Variants in MICAL1 observed in about 807,000 individuals in gnomAD.
The protein encoded by MICAL1 is [F-actin]-monooxygenase MICAL1.
A neutral mutation model predicts 131.8 loss-of-function variants in MICAL1; 95 were observed. That is an observed-to-expected ratio of 0.72 (90% CI 0.61 to 0.86). The LOEUF (loss-of-function observed/expected upper bound fraction) is 0.86, where lower values mean the gene tolerates loss of function less well. MICAL1 is among the 40% of genes least tolerant of loss of function. MICAL1 has a pLI of 0.00. For synonymous variants in MICAL1, 546 were observed against 554.2 expected (o/e 0.99, Z 0.21); for missense variants, 1,292 against 1,380.6 (o/e 0.94, Z 1.02).
upstream of MICAL1, chr6:109,455,825 C>A (rs1196286662): frequency 1.0e-6 from 1 of 984,716 alleles, no homozygotes; most frequent in African/African-American, 1.8e-5. The surrounding 1 kb of genome is among the most constrained non-coding windows in gnomAD (Gnocchi z 4.7). Context: ...CGAGATCGGG[C>A]GGGGATGCTG....
chr6:109,445,131 A>G, intron 22 of MICAL1, 66 bp downstream of exon 22: 2 of 1,596,194 alleles, frequency 1.3e-6, no homozygotes, highest in Non-Finnish European at 8.6e-7. Context: ...TGGGACTCCT[A>G]CGGGCTGGAG....
chr6:109,452,814 AT>A (rs774613378), intron 4 of MICAL1, among the ~76,000 whole-genome samples, 199 bp from the exon 5 acceptor site: 3 of 152,170 alleles, frequency 2.0e-5, no homozygotes, highest in African/African-American at 7.2e-5. Context: ...TGTTTTGCAA[AT>A]GCTCAATCTG....
At position 109,453,285 on chromosome 6, in the gene MICAL1, G is replaced by T; in HGVS notation, c.549C>A (p.Gly183=). 2 of 1,613,940 alleles carry T rather than the reference G, an allele frequency of 1.2e-6. No homozygotes were observed. Among genetic ancestry groups the T allele is most frequent in the Non-Finnish European group, 1.7e-6 (2 of 1,179,882 alleles). The part of the protein sequence containing the change: ...VEIHWGVTFT[G]LQPPPRKGSG... ...TACCCTTCCTAGGAGGGGGCTGGAG[G>T]CCAGTGAAAGTGACACCCCAGTGAA... The change falls in exon 4 of 25, where the codon GGC becomes GGA. Residue 183 remains glycine, a synonymous_variant. Coordinates refer to ENST00000358807, the MANE Select transcript of MICAL1 (RefSeq NM_022765.4).
intron 9 of MICAL1, 70 bp downstream of exon 9, chr6:109,449,900 C>T: frequency 6.3e-7 from 1 of 1,594,384 alleles, no homozygotes; most frequent in Non-Finnish European, 8.6e-7. Flanking sequence ...TCACTCAGCA[C>T]CCCTGCCCCT....
chr6:109,446,508 A>T, intron 18 of MICAL1, 96 bp from the exon 19 acceptor site: 2 of 1,500,254 alleles, frequency 1.3e-6, no homozygotes, highest in Non-Finnish European at 1.8e-6. Flanking sequence ...AACCATTTAC[A>T]AACAGTGTCT....
rs569696788 is a variant in MICAL1, at chr6:109,448,688, T to C, written c.1664+44A>G. ...GGATTCAACTGGATATGCTAACTCC[T>C]ACACTGAGATCATGAGAGAGAGGTG... On this transcript the variant is annotated intron_variant, in intron 12 of 24. Transcript: ENST00000358807. The C allele has an allele frequency of 6.9e-5, 111 of 1,611,140 alleles. No individual in the cohort carries two copies. The South Asian group carries it at 1.1e-3, about 16-fold the overall frequency.
At chr6:109,463,480 T>C (rs2115350598) in intron 1 of MICAL1, 1 of 152,334 alleles carries the variant, frequency 6.6e-6, no homozygotes, top group Non-Finnish European at 1.5e-5. Flanking sequence ...CATGTGCTTA[T>C]CAAGCATTTG....
At chr6:109,448,525 T>A in intron 12 of MICAL1, 132 bp from the exon 13 acceptor site, 1 of 1,276,666 alleles carries the variant, frequency 7.8e-7, no homozygotes, top group Non-Finnish European at 1.1e-6. Context: ...AGGTGTGTAG[T>A]CTCTGCTACC....
chr6:109,460,523 T>TACACACAC (rs113472586), upstream of MICAL1, among the ~76,000 whole-genome samples: 4,900 of 147,738 alleles, frequency 0.033, 163 homozygotes, highest in African/African-American at 0.083. Context: ...TATATATAAA[T>TACACACAC]ACACACACAC....
chr6:109,446,862 A>G, intron 17 of MICAL1, 90 bp from the exon 18 acceptor site: 1 of 1,371,178 alleles, frequency 7.3e-7, no homozygotes, highest in Non-Finnish European at 1.0e-6. Context: ...TGGGGAAAAC[A>G]AGACAGATTT....
At chr6:109,453,076 C>T (rs2115338151) in intron 4 of MICAL1, among the ~76,000 whole-genome samples, 187 bp downstream of exon 4, 1 of 152,322 alleles carries the variant, frequency 6.6e-6, no homozygotes, top group African/African-American at 2.4e-5. Context: ...AGGAGAATCA[C>T]TTGAAACTGG....
chr6:109,449,350 C>T (rs1260378882), intron 11 of MICAL1, 50 bp downstream of exon 11: 15 of 1,589,976 alleles, frequency 9.4e-6, no homozygotes, highest in Admixed American at 5.0e-5. Flanking sequence ...ACCTGGGCCT[C>T]GCTGGGTAGT....
At chr6:109,445,112 C>T (rs2115323324) in intron 22 of MICAL1, 85 bp downstream of exon 22, 1 of 1,576,262 alleles carries the variant, frequency 6.3e-7, no homozygotes, top group Non-Finnish European at 8.7e-7. Context: ...AGCTGTGTGG[C>T]ATAGCCACTG....
chr6:109,464,492 C>T (rs927051060), intron 1 of MICAL1: 4 of 152,220 alleles, frequency 2.6e-5, no homozygotes, highest in Admixed American at 2.6e-4. Flanking sequence ...CTCAAAAATC[C>T]CCTACCAGCT....
upstream of MICAL1, among the ~76,000 whole-genome samples, chr6:109,459,243 CAGCA>C (rs1317561931): frequency 6.6e-6 from 1 of 152,198 alleles, no homozygotes; most frequent in Non-Finnish European, 1.5e-5. Flanking sequence ...TCCATTCATT[CAGCA>C]AGGCACTCTG....
rs535329152 is a variant in MICAL1 at position 109,451,697 on chromosome 6, A to G, written c.836T>C (p.Ile279Thr). 1 of 1,613,888 alleles carries G rather than the reference A, an allele frequency of 6.2e-7. No homozygotes were observed. Among genetic ancestry groups the G allele is most frequent in the Non-Finnish European group, 8.5e-7 (1 of 1,179,890 alleles). The change falls in exon 7 of 25, where the codon ATT becomes ACT. Residue 279 changes from isoleucine to threonine, a missense_variant. By Grantham distance (89) the Ile-to-Thr change is moderately conservative (BLOSUM62 -1). Coordinates refer to ENST00000358807, the MANE Select transcript of MICAL1 (RefSeq NM_022765.4). The part of the protein sequence containing the change: ...FFQSLLKATG[I>T]DLENIVYYKD... ...GTAGTACACAATGTTCTCCAGATCA[A>G]TGCCTGGGGGTACAGGGCAGGGGAC...
chr6:109,460,855 T>C (rs1031679368), intron 1 of MICAL1, among the ~76,000 whole-genome samples: 1 of 152,162 alleles, frequency 6.6e-6, no homozygotes, highest in African/African-American at 2.4e-5. Context: ...ACTTAAAATA[T>C]CCTCAGTCAA....
At chr6:109,447,826 C>T in intron 14 of MICAL1, 49 bp downstream of exon 14, 1 of 1,611,418 alleles carries the variant, frequency 6.2e-7, no homozygotes, top group African/African-American at 1.3e-5. Flanking sequence ...CTGGGTACCC[C>T]CCTGCCCACT....
chr6:109,445,249 C>A lies in MICAL1; in HGVS notation c.2829G>T (p.Arg943Ser). Residue 943 changes from arginine (R) to serine (S), a missense_variant, in exon 22 of 25, where the codon AGG (arginine) becomes AGT (serine). Transcript: ENST00000358807. ...RRLNEIEAAL[R>S]ELEAEGVKLE... ...GCTTCACGCCCTCGGCCTCTAGCTC[C>A]CTCAAGGCAGCCTCAATCTCATTTA... 6.2e-7 allele frequency: 1 copy of A among 1,614,130 alleles called. No homozygotes were observed. Among genetic ancestry groups the A allele is most frequent in the Non-Finnish European group, 8.5e-7 (1 of 1,180,040 alleles).
Sources: gnomAD v4.1 joint callset for allele counts (sites outside exome capture counted in the v4.1 genomes callset) on GRCh38, gnomAD v4.1.1 for gene constraint, Gnocchi (gnomAD v3.1) non-coding constraint, MANE v1.5 for transcripts, NCBI Gene and HGNC (gene_info 2026-07-23, HGNC 2026-07-21) for gene names.